The following TTC27 variants were observed in gnomAD, a reference collection of about 807,000 sequenced individuals.
TTC27 encodes tetratricopeptide repeat protein 27.
In TTC27, 79 loss-of-function variants were observed where a neutral mutation model predicts 115.9. That is an observed-to-expected ratio of 0.68 (90% confidence interval 0.57 to 0.82). The LOEUF is 0.82. Among genes scored for constraint, TTC27 ranks in the 40% least tolerant of loss-of-function variants. The pLI, the probability that TTC27 is intolerant of heterozygous loss-of-function variation, is 0.00. For missense variants in TTC27, 1,054 were observed against 993.1 expected (o/e 1.06, Z -0.82); for synonymous variants, 401 against 356.0 (o/e 1.13, Z -1.42).
chr2:32,746,044 ATAAT>A (rs1668814336), intron 12 of TTC27, among the ~76,000 whole-genome samples: 1 of 152,164 alleles, frequency 6.6e-6, no homozygotes, highest in African/African-American at 2.4e-5. Context: ...ATTAAAATTA[ATAAT>A]TAGTTGTGTG....
chr2:32,684,866 C>T (rs993825511), intron 9 of TTC27, among the ~76,000 whole-genome samples: 3 of 149,290 alleles, frequency 2.0e-5, no homozygotes, highest in African/African-American at 7.4e-5. Context: ...TGTACTTACA[C>T]ATGTCATAGT....
rs775054245 is a variant in TTC27, at chr2:32,777,903, G to A, written c.1702G>A (p.Gly568Ser). Residue 568 changes from glycine to serine, a missense_variant, in exon 14 of 20, where the codon GGT becomes AGT. Gly to Ser is a moderately conservative substitution (Grantham distance 56). Coordinates refer to ENST00000317907, the MANE Select transcript of TTC27 (RefSeq NM_017735.5). The part of the protein sequence containing the change: ...PMQLGVWFSL[G>S]CAYLALEDYQ... ...GCAGCTCGGGGTGTGGTTTTCTCTCGGTTGTGCCTATTTGGCCTTGGAAGA... is the reference window on the plus strand; with the variant it reads ...GCAGCTCGGGGTGTGGTTTTCTCTCAGTTGTGCCTATTTGGCCTTGGAAGA... The A allele has an allele frequency of 1.9e-5, 31 of 1,613,968 alleles. No individual in the cohort carries two copies. The highest frequency in any genetic ancestry group is 2.3e-5 in the Non-Finnish European group (27 of 1,179,978).
At chr2:32,793,247 T>C (rs548231557) in intron 16 of TTC27, among the ~76,000 whole-genome samples, 5 of 152,304 alleles carry the variant, frequency 3.3e-5, no homozygotes, top group African/African-American at 1.2e-4. Context: ...GACTGATATA[T>C]TCAAAGTGCT....
chr2:32,635,671 G>A (rs987425020), intron 3 of TTC27, among the ~76,000 whole-genome samples: 4 of 151,978 alleles, frequency 2.6e-5, no homozygotes, highest in Admixed American at 6.6e-5. Context: ...GTGACAGAGT[G>A]AGACTCCATT....
chr2:32,657,768 A>G (rs1208160561), intron 5 of TTC27, among the ~76,000 whole-genome samples: 1 of 152,040 alleles, frequency 6.6e-6, no homozygotes, highest in East Asian at 1.9e-4. Context: ...TTGCCACTTA[A>G]TGAGGTGACC....
At chr2:32,819,528 AT>A (rs1047563433) in intron 19 of TTC27, among the ~76,000 whole-genome samples, 5 of 152,226 alleles carry the variant, frequency 3.3e-5, no homozygotes, top group Non-Finnish European at 7.3e-5. Flanking sequence ...TTGAAAATGA[AT>A]GAGGATAACT....
chr2:32,655,926 G>T (rs1360479257), intron 5 of TTC27, among the ~76,000 whole-genome samples: 3 of 152,124 alleles, frequency 2.0e-5, no homozygotes, highest in Admixed American at 2.0e-4. Flanking sequence ...TGCAAATTCA[G>T]TTCCTCAGTT....
At chr2:32,732,414 C>G (rs1412284372) in intron 10 of TTC27, among the ~76,000 whole-genome samples, 1 of 152,140 alleles carries the variant, frequency 6.6e-6, no homozygotes, top group Non-Finnish European at 1.5e-5. Context: ...TGAGCTCATA[C>G]CACAAGATAT....
At chr2:32,666,901 G>C in intron 7 of TTC27, 133 bp downstream of exon 7, 1 of 1,096,526 alleles carries the variant, frequency 9.1e-7, no homozygotes, top group Non-Finnish European at 1.2e-6. Flanking sequence ...TTTAAAGGTT[G>C]CTGAGTCAGG....
chr2:32,770,730 C>T (rs1404277387), intron 13 of TTC27, among the ~76,000 whole-genome samples: 1 of 152,124 alleles, frequency 6.6e-6, no homozygotes, highest in African/African-American at 2.4e-5. Flanking sequence ...ATCATCTTAG[C>T]GGTTTGTACA....
chr2:32,717,225 C>T (rs1041373078), intron 10 of TTC27, among the ~76,000 whole-genome samples: 1 of 152,116 alleles, frequency 6.6e-6, no homozygotes, highest in Admixed American at 6.6e-5. Flanking sequence ...ACTCCCACCT[C>T]AGCCTCCCAA....
chr2:32,807,199 A>G (rs1671160483), intron 16 of TTC27, among the ~76,000 whole-genome samples: 1 of 152,076 alleles, frequency 6.6e-6, no homozygotes, highest in Admixed American at 6.6e-5. Flanking sequence ...CTTTAGATGT[A>G]TTTATGTCTG....
intron 10 of TTC27, among the ~76,000 whole-genome samples, chr2:32,708,228 T>C (rs562719815): frequency 1.6e-3 from 243 of 151,918 alleles, no homozygotes; most frequent in African/African-American, 4.6e-3. Context: ...ACCTTTATGG[T>C]GATCTACTTC....
intron 5 of TTC27, among the ~76,000 whole-genome samples, chr2:32,652,690 T>C (rs1665174753): frequency 6.6e-6 from 1 of 152,220 alleles, no homozygotes; most frequent in South Asian, 2.1e-4. Flanking sequence ...GATTCGTAGA[T>C]AGTGCTGAAT....
intron 10 of TTC27, among the ~76,000 whole-genome samples, chr2:32,729,340 G>GT (rs887812006): frequency 2.6e-5 from 4 of 152,094 alleles, no homozygotes; most frequent in Admixed American, 6.6e-5. Context: ...ATCTTCTCTA[G>GT]TTTTTTTCTG....
chr2:32,714,008 G>A (rs191694309), intron 10 of TTC27, among the ~76,000 whole-genome samples: 5,077 of 152,182 alleles, frequency 0.033, 124 homozygotes, highest in Non-Finnish European at 0.044. Flanking sequence ...TTATAAGTGA[G>A]AGTATGCACT....
At chr2:32,710,264 T>A (rs1441044054) in intron 10 of TTC27, among the ~76,000 whole-genome samples, 3 of 152,128 alleles carry the variant, frequency 2.0e-5, no homozygotes, top group Non-Finnish European at 4.4e-5. Context: ...CTAGACTACA[T>A]CACTTATTGA....
chr2:32,688,654 A>G (rs1447015172), intron 9 of TTC27, among the ~76,000 whole-genome samples: 1 of 152,138 alleles, frequency 6.6e-6, no homozygotes, highest in East Asian at 1.9e-4. Flanking sequence ...AAGGAGCTTG[A>G]AAGATGTGTA....
intron 12 of TTC27, among the ~76,000 whole-genome samples, chr2:32,737,542 G>A (rs370535622): frequency 2.7e-4 from 41 of 152,276 alleles, no homozygotes; most frequent in African/African-American, 9.9e-4. Context: ...CCCTAAAAAA[G>A]AGCAATAGTG....
Sources: allele counts gnomAD v4.1 joint callset (sites outside exome capture counted in the v4.1 genomes callset), GRCh38; gene constraint gnomAD v4.1.1; transcripts MANE v1.5; gene names NCBI Gene and HGNC (gene_info 2026-07-23, HGNC 2026-07-21).